Variants in SUSD5 observed in about 807,000 individuals in gnomAD.
The protein encoded by SUSD5 is sushi domain containing 5, also known as sushi domain-containing protein 5.
In SUSD5, 33 loss-of-function variants were observed where a neutral mutation model predicts 29.5. The ratio of observed to expected loss-of-function variants is 1.12; its 90% CI spans 0.85 to 1.49. SUSD5 has a LOEUF of 1.49. Among genes scored for constraint, SUSD5 ranks in the 40% most tolerant of loss-of-function variants. The probability of loss-of-function intolerance (pLI) is 0.00; values close to 1 mark genes in which losing one functional copy is unlikely to be tolerated. For synonymous variants in SUSD5, 308 were observed against 325.3 expected (o/e 0.95, Z 0.57); for missense variants, 776 against 800.6 (o/e 0.97, Z 0.37).
At chr3:33,183,440 G>C (rs998108732) in intron 3 of SUSD5, among the ~76,000 whole-genome samples, 2 of 150,866 alleles carry the variant, frequency 1.3e-5, no homozygotes, top group Admixed American at 6.6e-5. Flanking sequence ...TTTAGTTGTT[G>C]CCCTGGTGGT....
chr3:33,207,709 A>C (rs1575545110), intron 3 of SUSD5, 99 bp downstream of exon 3: 1 of 703,184 alleles, frequency 1.4e-6, no homozygotes, highest in Non-Finnish European at 2.3e-6. Context: ...CATGTCTAGT[A>C]AATCCTCACT....
intron 3 of SUSD5, among the ~76,000 whole-genome samples, chr3:33,177,678 ATG>A (rs2031580625): frequency 6.6e-6 from 1 of 152,162 alleles, no homozygotes; most frequent in African/African-American, 2.4e-5. Context: ...ACAACTGGTA[ATG>A]TGTTTTTAAT....
chr3:33,191,639 T>C (rs942818341), intron 3 of SUSD5, among the ~76,000 whole-genome samples: 1 of 151,810 alleles, frequency 6.6e-6, no homozygotes, highest in African/African-American at 2.4e-5. Flanking sequence ...TGAATATGAG[T>C]GTTTAAGAAT....
intron 2 of SUSD5, among the ~76,000 whole-genome samples, chr3:33,211,717 T>G (rs528428833): frequency 4.3e-4 from 65 of 152,368 alleles, no homozygotes; most frequent in African/African-American, 1.5e-3. Flanking sequence ...AAGGAAAAAG[T>G]GAAGTGGCTC....
Position 33,153,012 on chromosome 3 carries a change from G to T in SUSD5, c.1620C>A (p.Asp540Glu), listed in dbSNP as rs199872747. Reference protein sequence around the residue: ...QDSFPYLLSEDFFGQEGPGPG... With the variant: ...QDSFPYLLSEEFFGQEGPGPG... ...GCCCGGGGCCTTCCTGTCCAAAGAA[G>T]TCTTCAGACAGCAGGTATGGGAAGC... The change falls in exon 5 of 5, where the codon GAC (aspartate) becomes GAA (glutamate). Residue 540 changes from aspartate to glutamate, a missense_variant. Asp to Glu is a conservative substitution (Grantham distance 45, BLOSUM62 2). Coordinates refer to ENST00000309558, the MANE Select transcript of SUSD5 (RefSeq NM_015551.2). The T allele has an allele frequency of 2.0e-3, 3,165 of 1,613,862 alleles. 9 individuals carry two copies. The highest frequency in any genetic ancestry group is 2.4e-3 in the Non-Finnish European group (2,804 of 1,179,820).
chr3:33,171,347 A>AC (rs1323787462), intron 4 of SUSD5, among the ~76,000 whole-genome samples: 2 of 150,678 alleles, frequency 1.3e-5, no homozygotes, highest in Admixed American at 6.6e-5. Flanking sequence ...CTCCTTCTTA[A>AC]AAAAAAAAAG....
rs1389429880 is a variant in SUSD5 at position 33,161,304 on chromosome 3, A to G, written c.599-7271T>C. Reference sequence around the variant, plus strand: ...TAGCCAGGAAATGGTGTAACTATTAATTAATATTAAACTTCTATATGTCAA... The same window carrying G: ...TAGCCAGGAAATGGTGTAACTATTAGTTAATATTAAACTTCTATATGTCAA... On this transcript the variant is annotated intron_variant, in intron 4 of 4. Transcript: ENST00000309558. Among the ~76,000 whole-genome samples, 5 of 152,330 alleles carry G rather than the reference A, an allele frequency of 3.3e-5. No individual in the cohort carries two copies. The East Asian group carries it at 9.6e-4, about 29-fold the overall frequency.
intron 4 of SUSD5, among the ~76,000 whole-genome samples, chr3:33,165,541 C>CA (rs1296785533): frequency 1.3e-5 from 2 of 152,134 alleles, no homozygotes; most frequent in Non-Finnish European, 2.9e-5. Context: ...AATAGACAAT[C>CA]AGAAGTGGAC....
chr3:33,206,808 C>T (rs1388753437), intron 3 of SUSD5, among the ~76,000 whole-genome samples: 1 of 152,136 alleles, frequency 6.6e-6, no homozygotes, highest in African/African-American at 2.4e-5. Flanking sequence ...GGTTCTCAAC[C>T]TGGGCTGTAC....
intron 3 of SUSD5, among the ~76,000 whole-genome samples, chr3:33,186,318 A>T (rs1156877238): frequency 4.6e-5 from 7 of 152,030 alleles, no homozygotes. Context: ...AAAAAAAAAG[A>T]AGATAGACTG....
At position 33,204,759 on chromosome 3, in the gene SUSD5, T is replaced by C. The variant is rs186211739; in HGVS notation, c.409+3049A>G. Among the ~76,000 whole-genome samples the C allele has an allele frequency of 2.4e-3, 363 of 152,196 alleles. No homozygotes were observed. Among genetic ancestry groups the C allele is most frequent in the African/African-American group, 8.0e-3 (334 of 41,546 alleles). Reference sequence around the variant, plus strand: ...ACCTCCCAGGTTAAAGCGATTCTCATGCCTCAGCCTCCTGAGTGGCTAGGA... The same window carrying C: ...ACCTCCCAGGTTAAAGCGATTCTCACGCCTCAGCCTCCTGAGTGGCTAGGA... On this transcript the variant is annotated intron_variant, in intron 3 of 4. Coordinates refer to ENST00000309558, the MANE Select transcript of SUSD5 (RefSeq NM_015551.2). This position sits in a 1 kb window ranked among gnomAD's most constrained non-coding sequence, Gnocchi z 4.5.
At chr3:33,193,244 C>T (rs2031932398) in intron 3 of SUSD5, among the ~76,000 whole-genome samples, 1 of 152,074 alleles carries the variant, frequency 6.6e-6, no homozygotes. Flanking sequence ...ATCCCCTTGG[C>T]GGTATAGAAA....
chr3:33,158,426 T>A (rs1575527178), intron 4 of SUSD5, among the ~76,000 whole-genome samples: 1 of 152,090 alleles, frequency 6.6e-6, no homozygotes, highest in Non-Finnish European at 1.5e-5. Flanking sequence ...TCTCTTCTCA[T>A]CCCAGCCTCT....
At chr3:33,179,277 C>G (rs1256310116) in intron 3 of SUSD5, among the ~76,000 whole-genome samples, 1 of 151,978 alleles carries the variant, frequency 6.6e-6, no homozygotes, top group African/African-American at 2.4e-5. Context: ...TTTTTAAAAG[C>G]ATAACCAATT....
intron 3 of SUSD5, among the ~76,000 whole-genome samples, chr3:33,184,903 T>G (rs1010287677): frequency 1.3e-5 from 2 of 152,268 alleles, no homozygotes; most frequent in Non-Finnish European, 2.9e-5. Context: ...TATCTGAGTC[T>G]AGCTCTGATG....
intron 3 of SUSD5, among the ~76,000 whole-genome samples, chr3:33,200,826 T>C (rs574796187): frequency 8.3e-4 from 126 of 152,328 alleles, no homozygotes; most frequent in African/African-American, 2.8e-3. Context: ...GAATTGTGTT[T>C]GTGTCCTAGG....
chr3:33,160,671 A>C (rs4299435), intron 4 of SUSD5, among the ~76,000 whole-genome samples: 20,314 of 152,254 alleles, frequency 0.13, 1,602 homozygotes, highest in South Asian at 0.23. Flanking sequence ...AAAATAACAG[A>C]ATGTTATGAA....
At position 33,153,009 on chromosome 3, in the gene SUSD5, G is replaced by T. The variant is rs2030947020; in HGVS notation, c.1623C>A (p.Phe541Leu). 6.2e-7 allele frequency: 1 copy of T among 1,613,848 alleles called. No individual in the cohort carries two copies. The highest frequency in any genetic ancestry group is 8.5e-7 in the Non-Finnish European group (1 of 1,179,812). ...CTGGCCCGGGGCCTTCCTGTCCAAAGAAGTCTTCAGACAGCAGGTATGGGA... is the reference window on the plus strand; with the variant it reads ...CTGGCCCGGGGCCTTCCTGTCCAAATAAGTCTTCAGACAGCAGGTATGGGA... ...DSFPYLLSEDFFGQEGPGPGA... is the reference protein window; with the variant it reads ...DSFPYLLSEDLFGQEGPGPGA... Residue 541 changes from phenylalanine to leucine, a missense_variant, in exon 5 of 5, where the codon TTC (phenylalanine) becomes TTA (leucine). Physicochemically the swap from Phe to Leu is conservative, Grantham distance 22. Coordinates refer to ENST00000309558, the MANE Select transcript of SUSD5 (RefSeq NM_015551.2).
intron 3 of SUSD5, among the ~76,000 whole-genome samples, chr3:33,186,225 C>T (rs1488157232): frequency 6.6e-6 from 1 of 151,552 alleles, no homozygotes; most frequent in Admixed American, 6.6e-5. Flanking sequence ...TGGCGTGAAC[C>T]CGGGAGGTGG....
Sources: gnomAD v4.1 joint callset for allele counts (sites outside exome capture counted in the v4.1 genomes callset) on GRCh38, gnomAD v4.1.1 for gene constraint, Gnocchi (gnomAD v3.1) non-coding constraint, MANE v1.5 for transcripts, NCBI Gene and HGNC (gene_info 2026-07-23, HGNC 2026-07-21) for gene names.